The following SCUBE1 variants were observed in gnomAD, a reference collection of about 807,000 sequenced individuals.
The protein encoded by SCUBE1 is signal peptide, CUB and EGF-like domain-containing protein 1.
A neutral mutation model predicts 124.4 loss-of-function variants in SCUBE1; 59 were observed. The observed-to-expected ratio is 0.47, with a 90% CI of 0.38 to 0.59. SCUBE1 has a LOEUF of 0.59. Ranked by LOEUF, SCUBE1 falls within the 20% of genes least tolerant of loss-of-function variation. The pLI, the probability that SCUBE1 is intolerant of heterozygous loss-of-function variation, is 0.00. For missense variants in SCUBE1, 1,150 were observed against 1,371.2 expected (o/e 0.84, Z 2.55); for synonymous variants, 545 against 550.9 (o/e 0.99, Z 0.15).
In SCUBE1 at chr22:43,211,956, G is replaced by A. The variant is rs1921578829; in HGVS notation, c.2221+469C>T. The stretch of plus-strand genomic sequence containing the variant: ...AGACACTGAGAGGGAGCACGGTGGG[G>A]AAGCAGGGTCAGCAGCTGAGAATGG... On this transcript the variant is annotated intron_variant, in intron 17 of 21. Coordinates refer to ENST00000360835, the MANE Select transcript of SCUBE1 (RefSeq NM_173050.5). This position sits in a 1 kb window ranked among gnomAD's most constrained non-coding sequence, Gnocchi z 4.5. Among the ~76,000 whole-genome samples, 1 of 152,200 alleles carries A rather than the reference G, an allele frequency of 6.6e-6. No homozygotes were observed. The highest frequency in any genetic ancestry group is 1.5e-5 in the Non-Finnish European group (1 of 68,028).
At chr22:43,333,172 C>T (rs374380157) in intron 2 of SCUBE1, among the ~76,000 whole-genome samples, 3 of 152,200 alleles carry the variant, frequency 2.0e-5, no homozygotes, top group Admixed American at 6.5e-5. Context: ...CAACGCCCTT[C>T]GAAGTTTCTT....
intron 3 of SCUBE1, among the ~76,000 whole-genome samples, chr22:43,294,236 C>T (rs1489521399): frequency 1.3e-5 from 2 of 152,344 alleles, no homozygotes; most frequent in East Asian, 3.9e-4. Flanking sequence ...TCATGGCTGC[C>T]AAATCTCTTG....
At chr22:43,310,428 A>C (rs1926129733) in intron 3 of SCUBE1, among the ~76,000 whole-genome samples, 1 of 152,202 alleles carries the variant, frequency 6.6e-6, no homozygotes, top group African/African-American at 2.4e-5. Context: ...GGAAGCTCCT[A>C]CCAGCCCATG....
Position 43,199,800 on chromosome 22 carries a change from G to A in SCUBE1, c.*4197C>T, listed in dbSNP as rs115432544. 0.026 allele frequency: 4,006 copies of A among 155,734 alleles called. 179 individuals carry two copies. Among genetic ancestry groups the A allele is most frequent in the African/African-American group, 0.084 (3,485 of 41,552 alleles). The allele number at this position is 155,734 out of a possible 1,614,324, so 9.6% of individuals were successfully genotyped here. The stretch of plus-strand genomic sequence containing the variant: ...GGCTGTGGCTGTGAGGCTCTGGCGC[G>A]GGGAAAGATGGGGAGAGGCTCTGGC... On this transcript the variant is annotated 3_prime_UTR_variant, in exon 22 of 22. Coordinates refer to ENST00000360835, the MANE Select transcript of SCUBE1 (RefSeq NM_173050.5).
chr22:43,217,452 T>G (rs952043298), intron 15 of SCUBE1, among the ~76,000 whole-genome samples: 1 of 151,962 alleles, frequency 6.6e-6, no homozygotes, highest in Non-Finnish European at 1.5e-5. Context: ...GAGTCGTCCT[T>G]GAAGTCTGTC....
chr22:43,219,842 T>G (rs987213808), intron 14 of SCUBE1, among the ~76,000 whole-genome samples: 3 of 152,080 alleles, frequency 2.0e-5, no homozygotes, highest in African/African-American at 7.2e-5. Flanking sequence ...TTTGTTCTTG[T>G]GCCCCCACCA....
At chr22:43,264,549 G>A (rs2146714293) in intron 4 of SCUBE1, among the ~76,000 whole-genome samples, 1 of 152,338 alleles carries the variant, frequency 6.6e-6, no homozygotes, top group Admixed American at 6.5e-5. Flanking sequence ...TCCTCTGGGA[G>A]CCTCCTGCCC....
At chr22:43,280,616 G>A (rs962749614) in intron 4 of SCUBE1, among the ~76,000 whole-genome samples, 12 of 140,278 alleles carry the variant, frequency 8.6e-5, no homozygotes, top group Non-Finnish European at 1.2e-4. Context: ...CCCCTGCTAC[G>A]CTGTCACCTC....
chr22:43,228,633 T>A (rs1383033611), intron 9 of SCUBE1, among the ~76,000 whole-genome samples: 6 of 152,204 alleles, frequency 3.9e-5, no homozygotes, highest in Non-Finnish European at 7.3e-5. Context: ...TGCTTTCTCA[T>A]GCGGATCCCT....
intron 3 of SCUBE1, among the ~76,000 whole-genome samples, chr22:43,308,101 C>T (rs998005070): frequency 6.6e-6 from 1 of 152,168 alleles, no homozygotes; most frequent in Admixed American, 6.5e-5. Flanking sequence ...ACACCCCACT[C>T]GAGGGTCTCC....
Position 43,211,396 on chromosome 22 carries a change from G to A in SCUBE1, c.2222-313C>T, listed in dbSNP as rs546142215. On this transcript the variant is annotated intron_variant, in intron 17 of 21. Coordinates refer to ENST00000360835, the MANE Select transcript of SCUBE1 (RefSeq NM_173050.5). This position sits in a 1 kb window ranked among gnomAD's most constrained non-coding sequence, Gnocchi z 4.5. ...GATGTGGCCGGAGGCGTGCGGGGGA[G>A]ACAGGGAGGAGGGGAAGTGGAGCCA... 6.6e-6 allele frequency among the ~76,000 whole-genome samples: 1 copy of A among 152,224 alleles called. No homozygotes were observed. Among genetic ancestry groups the A allele is most frequent in the South Asian group, 2.1e-4 (1 of 4,816 alleles).
intron 3 of SCUBE1, among the ~76,000 whole-genome samples, chr22:43,293,542 G>A (rs1223598925): frequency 1.3e-5 from 2 of 152,354 alleles, no homozygotes; most frequent in South Asian, 2.1e-4. Context: ...GCACGTGCAC[G>A]TCAGCCCCAG....
chr22:43,332,058 A>G (rs139229801), intron 2 of SCUBE1, among the ~76,000 whole-genome samples: 7,263 of 152,244 alleles, frequency 0.048, 231 homozygotes, highest in African/African-American at 0.079. Flanking sequence ...AGGCTGAGGC[A>G]GGAGGATCAC....
rs534414507 is a variant in SCUBE1, at chr22:43,251,224, G to A, written c.727+6995C>T. 9.4e-3 allele frequency among the ~76,000 whole-genome samples: 1,427 copies of A among 152,324 alleles called. 20 individuals are homozygous for A. The highest frequency in any genetic ancestry group is 0.033 in the African/African-American group (1,379 of 41,578). On this transcript the variant is annotated intron_variant, in intron 6 of 21. Transcript: ENST00000360835. ...AGCTGGGGCAGCCAGCGGAGGCTCCGTGAAGTGGGTGGGGTGCATCCCACA... is the reference window on the plus strand; with the variant it reads ...AGCTGGGGCAGCCAGCGGAGGCTCCATGAAGTGGGTGGGGTGCATCCCACA...
At chr22:43,330,645 A>T (rs1273903900) in intron 2 of SCUBE1, among the ~76,000 whole-genome samples, 1 of 152,224 alleles carries the variant, frequency 6.6e-6, no homozygotes, top group Admixed American at 6.5e-5. Context: ...CGGATGGGCA[A>T]ACTGAGGCTC....
intron 4 of SCUBE1, 84 bp from the exon 5 acceptor site, chr22:43,262,929 A>G: frequency 6.9e-7 from 1 of 1,455,080 alleles, no homozygotes; most frequent in Non-Finnish European, 9.5e-7. Flanking sequence ...GGGATAGCCA[A>G]TGATATGTAA....
At chr22:43,252,859 G>A (rs529871661) in intron 6 of SCUBE1, among the ~76,000 whole-genome samples, 116 of 148,396 alleles carry the variant, frequency 7.8e-4, no homozygotes, top group South Asian at 2.2e-3. Context: ...TTAATACAAC[G>A]TGGGGGCAGG....
At chr22:43,233,180 C>T (rs997743130) in intron 7 of SCUBE1, among the ~76,000 whole-genome samples, 13 of 152,170 alleles carry the variant, frequency 8.5e-5, no homozygotes, top group Admixed American at 3.9e-4. Flanking sequence ...GCCTGGCCAA[C>T]GCGGAGAAAC....
rs138532308 is a variant in SCUBE1, at chr22:43,278,309, G to T, written c.484+12737C>A. Among the ~76,000 whole-genome samples the T allele has an allele frequency of 5.3e-5, 8 of 152,348 alleles. No individual in the cohort carries two copies. The East Asian group carries it at 1.5e-3, about 29-fold the overall frequency. On this transcript the variant is annotated intron_variant, in intron 4 of 21. Coordinates refer to ENST00000360835, the MANE Select transcript of SCUBE1 (RefSeq NM_173050.5). Reference sequence around the variant, plus strand: ...TGCAACCCCACATGTCCTGCCTGGCGCCCTTGCCTGGCTGATCTTCTCCAA... The same window carrying T: ...TGCAACCCCACATGTCCTGCCTGGCTCCCTTGCCTGGCTGATCTTCTCCAA...
Sources: allele counts gnomAD v4.1 joint callset (sites outside exome capture counted in the v4.1 genomes callset), GRCh38; gene constraint gnomAD v4.1.1; non-coding constraint Gnocchi (gnomAD v3.1); transcripts MANE v1.5; gene names NCBI Gene and HGNC (gene_info 2026-07-23, HGNC 2026-07-21).